The following GALNT13 variants were observed in gnomAD, a reference collection of about 807,000 sequenced individuals.
The protein encoded by GALNT13 is UDP-GalNAc:polypeptide N-acetylgalactosaminyltransferase 13.
In GALNT13, 28 loss-of-function variants were observed where a neutral mutation model predicts 64.2. The ratio of observed to expected loss-of-function variants is 0.44; its 90% CI spans 0.32 to 0.60. The LOEUF is 0.60. GALNT13 is among the 20% of genes least tolerant of loss of function. The pLI is 0.05. For missense variants in GALNT13, 577 were observed against 669.8 expected (o/e 0.86, Z 1.53); for synonymous variants, 214 against 224.6 (o/e 0.95, Z 0.42).
At chr2:153,846,226 A>G in the GALNT13 span, among the ~76,000 whole-genome samples, 2 of 152,312 alleles carry the variant, frequency 1.3e-5, no homozygotes, top group East Asian at 3.9e-4. Flanking sequence ...AAACATTAAT[A>G]CTACTTAAAG....
At chr2:154,152,329 G>T (rs907668345) in intron 4 of GALNT13, among the ~76,000 whole-genome samples, 1 of 151,972 alleles carries the variant, frequency 6.6e-6, no homozygotes, top group African/African-American at 2.4e-5. Context: ...TCCCTTTGTG[G>T]GTAACCCGAC....
chr2:153,957,534 G>A (rs1408462553), intron 3 of GALNT13, among the ~76,000 whole-genome samples: 1 of 152,170 alleles, frequency 6.6e-6, no homozygotes, highest in Non-Finnish European at 1.5e-5. Flanking sequence ...TTGATGGAGA[G>A]CCTTTTTTCT....
chr2:153,483,049 A>C, the GALNT13 span, among the ~76,000 whole-genome samples: 2 of 152,240 alleles, frequency 1.3e-5, no homozygotes, highest in African/African-American at 4.8e-5. Flanking sequence ...AAAGATTTCC[A>C]TATAAAATGG....
At chr2:154,294,522 CA>C (rs1185363317) in intron 8 of GALNT13, among the ~76,000 whole-genome samples, 1 of 152,132 alleles carries the variant, frequency 6.6e-6, no homozygotes, top group African/African-American at 2.4e-5. Flanking sequence ...CTGCCTGTCA[CA>C]AGGTTTATGA....
At chr2:154,390,344 C>T (rs1698727784) in intron 9 of GALNT13, among the ~76,000 whole-genome samples, 1 of 152,024 alleles carries the variant, frequency 6.6e-6, no homozygotes, top group Non-Finnish European at 1.5e-5. Flanking sequence ...ACCCTAGTAC[C>T]CATTAGTTAT....
intron 3 of GALNT13, among the ~76,000 whole-genome samples, chr2:154,076,122 A>T (rs996262916): frequency 1.3e-5 from 2 of 151,646 alleles, no homozygotes; most frequent in Non-Finnish European, 1.5e-5. Context: ...TCTTCATTAT[A>T]GTACCCAATC....
At chr2:153,289,226 C>A in the GALNT13 span, among the ~76,000 whole-genome samples, 2 of 152,102 alleles carry the variant, frequency 1.3e-5, no homozygotes, top group Admixed American at 1.3e-4. Flanking sequence ...TTTTATCATA[C>A]CCTGGAGAGA....
At chr2:153,464,764 G>T in the GALNT13 span, among the ~76,000 whole-genome samples, 785 of 152,058 alleles carry the variant, frequency 5.2e-3, 3 homozygotes, top group African/African-American at 0.018. Context: ...GACAACTCGG[G>T]TCTTAGGATT....
chr2:153,449,518 G>T, the GALNT13 span, among the ~76,000 whole-genome samples: 1 of 152,156 alleles, frequency 6.6e-6, no homozygotes, highest in Non-Finnish European at 1.5e-5. Flanking sequence ...AGATGGTAAT[G>T]GCTTCTTGCT....
the GALNT13 span, among the ~76,000 whole-genome samples, chr2:153,667,895 T>C: frequency 6.6e-6 from 1 of 151,726 alleles, no homozygotes; most frequent in Non-Finnish European, 1.5e-5. Flanking sequence ...TAACAATCAA[T>C]GACACCTGTA....
At chr2:154,112,704 G>C (rs1335407902) in intron 3 of GALNT13, among the ~76,000 whole-genome samples, 1 of 152,302 alleles carries the variant, frequency 6.6e-6, no homozygotes, top group East Asian at 1.9e-4. Flanking sequence ...CTTCACCACT[G>C]TCCTTCAGGA....
the GALNT13 span, among the ~76,000 whole-genome samples, chr2:153,841,845 A>C: frequency 6.6e-6 from 1 of 152,298 alleles, no homozygotes; most frequent in Non-Finnish European, 1.5e-5. Flanking sequence ...GGGATCCAAA[A>C]TTACAAGCCA....
the GALNT13 span, among the ~76,000 whole-genome samples, chr2:153,828,320 G>C: frequency 6.6e-6 from 1 of 152,202 alleles, no homozygotes; most frequent in Non-Finnish European, 1.5e-5. Flanking sequence ...TTCTCCATGA[G>C]AGCCCCACCC....
At chr2:154,396,767 T>G (rs1699074024) in intron 10 of GALNT13, among the ~76,000 whole-genome samples, 1 of 152,044 alleles carries the variant, frequency 6.6e-6, no homozygotes, top group Non-Finnish European at 1.5e-5. Context: ...AAACTGCAAG[T>G]AATATCTTGG....
At chr2:153,497,288 A>T in the GALNT13 span, among the ~76,000 whole-genome samples, 2 of 152,084 alleles carry the variant, frequency 1.3e-5, no homozygotes, top group Non-Finnish European at 2.9e-5. Context: ...CACCTCAAGT[A>T]TATAAGTTTT....
chr2:153,924,906 GT>G (rs767465047), intron 2 of GALNT13, among the ~76,000 whole-genome samples: 2 of 151,810 alleles, frequency 1.3e-5, no homozygotes, highest in Non-Finnish European at 2.9e-5. Flanking sequence ...TGATGCCATT[GT>G]TTTTGGCTTG....
At chr2:153,383,631 A>T in the GALNT13 span, among the ~76,000 whole-genome samples, 1 of 152,056 alleles carries the variant, frequency 6.6e-6, no homozygotes, top group Non-Finnish European at 1.5e-5. Flanking sequence ...TCTTAAAGGT[A>T]CTTAATTAGC....
chr2:153,236,324 A>G, the GALNT13 span, among the ~76,000 whole-genome samples: 2 of 152,184 alleles, frequency 1.3e-5, no homozygotes, highest in Non-Finnish European at 2.9e-5. Flanking sequence ...AGGTGGCTAC[A>G]CTAAACAACA....
the GALNT13 span, among the ~76,000 whole-genome samples, chr2:153,574,046 C>T: frequency 6.6e-6 from 1 of 151,748 alleles, no homozygotes; most frequent in Admixed American, 6.6e-5. Flanking sequence ...TAAAATCTCT[C>T]AGCTTTTGTT....
Sources: allele counts gnomAD v4.1 joint callset (sites outside exome capture counted in the v4.1 genomes callset), GRCh38; gene constraint gnomAD v4.1.1; transcripts MANE v1.5; gene names NCBI Gene and HGNC (gene_info 2026-07-23, HGNC 2026-07-21).